The following PTPN6 variants were observed in gnomAD, a reference collection of about 807,000 sequenced individuals.
The protein encoded by PTPN6 is protein tyrosine phosphatase non-receptor type 6.
In PTPN6, 18 loss-of-function variants were observed where a neutral mutation model predicts 81.5. The ratio of observed to expected loss-of-function variants is 0.22; its 90% CI spans 0.15 to 0.33. The LOEUF is 0.33. Ranked by LOEUF, PTPN6 falls within the 10% of genes least tolerant of loss-of-function variation. PTPN6 has a pLI of 1.00. For synonymous variants in PTPN6, 301 were observed against 310.9 expected (o/e 0.97, Z 0.33); for missense variants, 500 against 794.2 (o/e 0.63, Z 4.45).
In PTPN6 at chr12:6,951,816, T is replaced by C; in HGVS notation, c.131+85T>C. ...TGAACCACTCATTCCTGGTTCCCCG[T>C]GGCAGTGCTGACTCCCCGTCTGTTC... On this transcript the variant is annotated intron_variant, in intron 2 of 15. Coordinates refer to ENST00000318974, the MANE Select transcript of PTPN6 (RefSeq NM_002831.6). This position sits in a 1 kb window ranked among gnomAD's most constrained non-coding sequence, Gnocchi z 7.2. The C allele has an allele frequency of 6.3e-7, 1 of 1,597,574 alleles. No homozygotes were observed. The highest frequency in any genetic ancestry group is 1.7e-5 in the Admixed American group (1 of 60,012).
chr12:6,953,874 C>T (rs1945971853), intron 3 of PTPN6, among the ~76,000 whole-genome samples: 1 of 152,136 alleles, frequency 6.6e-6, no homozygotes, highest in Non-Finnish European at 1.5e-5. Context: ...CAGACTGGTC[C>T]TCCCCTCCTT....
chr12:6,955,996 A>G lies in PTPN6; in HGVS notation c.845-146A>G. 1.1e-6 allele frequency: 1 copy of G among 872,978 alleles called. No individual in the cohort carries two copies. The highest frequency in any genetic ancestry group is 1.9e-6 in the Non-Finnish European group (1 of 534,572). The allele number at this position is 872,978 out of a possible 1,614,324, so 54.1% of individuals were successfully genotyped here. ...CTCCCTCACTCCCTCCATACAGATG[A>G]TCCCCCACCCCTGCTGCCCACAGTC... On this transcript the variant is annotated intron_variant, in intron 7 of 15. Coordinates refer to ENST00000318974, the MANE Select transcript of PTPN6 (RefSeq NM_002831.6). The surrounding 1 kb of genome is among the most constrained non-coding windows in gnomAD (Gnocchi z 7.2).
upstream of PTPN6, among the ~76,000 whole-genome samples, chr12:6,947,629 A>ACT (rs1555147040): frequency 6.6e-6 from 1 of 150,766 alleles, no homozygotes; most frequent in Non-Finnish European, 1.5e-5. Context: ...TGATTGCACC[A>ACT]CTGCACACCA....
At chr12:6,948,116 T>C (rs782702843), upstream of PTPN6, among the ~76,000 whole-genome samples, 1 of 151,500 alleles carries the variant, frequency 6.6e-6, no homozygotes, top group Non-Finnish European at 1.5e-5. Context: ...AGAGACCCCA[T>C]CTCTATTAAA....
upstream of PTPN6, among the ~76,000 whole-genome samples, chr12:6,947,681 A>T (rs1457636474): frequency 6.6e-6 from 1 of 151,814 alleles, no homozygotes; most frequent in Non-Finnish European, 1.5e-5. Flanking sequence ...AAAAAAAAAA[A>T]AAAAAAGAAA....
rs782020090 is a variant in PTPN6, at chr12:6,960,873, C to T, written c.1741C>T (p.Arg581Trp). ...NKREEKVKKQ[R>W]SADKEKSKGS... ...GAGGGAGGAGAAAGTGAAGAAGCAG[C>T]GGTCAGCAGACAAGGAGAAGAGCAA... Residue 581 changes from arginine to tryptophan, a missense_variant, in exon 15 of 16, where the codon CGG (arginine) becomes TGG (tryptophan). Coordinates refer to ENST00000318974, the MANE Select transcript of PTPN6 (RefSeq NM_002831.6). The surrounding 1 kb of genome is among the most constrained non-coding windows in gnomAD (Gnocchi z 6.1). 1.5e-5 allele frequency: 24 copies of T among 1,580,476 alleles called. No homozygotes were observed. The highest frequency in any genetic ancestry group is 1.9e-5 in the Non-Finnish European group (22 of 1,162,588).
chr12:6,955,590 AC>A lies in PTPN6; in HGVS notation c.748-66del. ...CCTTGCCCACCTCTGCTCCTGACCC[AC>A]CCCACGTGAGCTCCCCCGATGGATG... On this transcript the variant is annotated intron_variant, in intron 6 of 15. Transcript: ENST00000318974. The surrounding 1 kb of genome is among the most constrained non-coding windows in gnomAD (Gnocchi z 7.2). 1 of 1,569,248 alleles carries A rather than the reference AC, an allele frequency of 6.4e-7. No homozygotes were observed. The highest frequency in any genetic ancestry group is 1.1e-5 in the South Asian group (1 of 90,134).
chr12:6,951,628 A>C lies in PTPN6; in HGVS notation c.28A>C (p.Ser10Arg). Residue 10 changes from serine (S) to arginine (R), a missense_variant, in exon 2 of 16, where the codon AGT becomes CGT. Coordinates refer to ENST00000318974, the MANE Select transcript of PTPN6 (RefSeq NM_002831.6). This position sits in a 1 kb window ranked among gnomAD's most constrained non-coding sequence, Gnocchi z 7.2. ...GCCCAGGTGGTTTCACCGAGACCTC[A>C]GTGGGCTGGATGCAGAGACCCTGCT... MVRWFHRDL[S>R]GLDAETLLKG... The C allele has an allele frequency of 1.2e-6, 2 of 1,613,534 alleles. No homozygotes were observed. The highest frequency in any genetic ancestry group is 1.1e-5 in the South Asian group (1 of 91,052).
At position 6,961,155 on chromosome 12, in the gene PTPN6, G is replaced by C. The variant is rs782606097; in HGVS notation, c.*55G>C. 2.9e-5 allele frequency: 21 copies of C among 722,788 alleles called. No individual in the cohort carries two copies. The African/African-American group carries it at 3.7e-4, about 13-fold the overall frequency. The allele number at this position is 722,788 out of a possible 1,614,324, so 44.8% of individuals were successfully genotyped here. ...AGCCCTGACCCTGTGGAAGCATTTC[G>C]CGATGGACAGACTCACAACCTGAAC... On this transcript the variant is annotated 3_prime_UTR_variant, in exon 16 of 16. Transcript: ENST00000318974.
rs782331631 is a variant in PTPN6, at chr12:6,954,663, T to C, written c.327-142T>C. On this transcript the variant is annotated intron_variant, in intron 3 of 15. Transcript: ENST00000318974. This position sits in a 1 kb window ranked among gnomAD's most constrained non-coding sequence, Gnocchi z 5.4. ...TCAGCATGTTTGTGAGAGACCTAAATGAGGTGGTGGATTTGGAAGCATGTA... is the reference window on the plus strand; with the variant it reads ...TCAGCATGTTTGTGAGAGACCTAAACGAGGTGGTGGATTTGGAAGCATGTA... The C allele has an allele frequency of 1.3e-4, 97 of 770,730 alleles. 1 individual carries two copies. The South Asian group carries it at 1.5e-3, about 12-fold the overall frequency. 47.7% of individuals were successfully genotyped at this position (770,730 alleles called of 1,614,324 possible).
In PTPN6 at chr12:6,960,396, T is replaced by G. The variant is rs782265270; in HGVS notation, c.1634T>G (p.Met545Arg). Reference protein sequence around the residue: ...EYGNITYPPAMKNAHAKASRT... With the variant: ...EYGNITYPPARKNAHAKASRT... The stretch of plus-strand genomic sequence containing the variant: ...GGGAACATCACCTATCCCCCAGCCA[T>G]GAAGAATGCCCATGCCAAGGCCTCC... The change falls in exon 14 of 16, where the codon ATG becomes AGG. Residue 545 changes from methionine to arginine, a missense_variant. Physicochemically the swap from Met to Arg is moderately conservative, Grantham distance 91. Around this residue, in one of 6 missense-constraint regions of PTPN6, gnomAD observed 226 missense variants for 364.4 expected, o/e 0.62. Coordinates refer to ENST00000318974, the MANE Select transcript of PTPN6 (RefSeq NM_002831.6). This position sits in a 1 kb window ranked among gnomAD's most constrained non-coding sequence, Gnocchi z 6.1. The G allele has an allele frequency of 6.9e-5, 112 of 1,613,660 alleles. No homozygotes were observed. The highest frequency in any genetic ancestry group is 8.8e-5 in the Non-Finnish European group (104 of 1,180,004).
Position 6,955,066 on chromosome 12 carries a change from G to C in PTPN6, c.516+72G>C, listed in dbSNP as rs2092052550. 1 of 1,606,842 alleles carries C rather than the reference G, an allele frequency of 6.2e-7. No homozygotes were observed. Among genetic ancestry groups the C allele is most frequent in the Admixed American group, 1.7e-5 (1 of 59,994 alleles). ...GTGACCACAGTGTGGGTGGCAGGGAGGGTCTGCCTGGGCTTGAATTCAAGG... is the reference window on the plus strand; with the variant it reads ...GTGACCACAGTGTGGGTGGCAGGGACGGTCTGCCTGGGCTTGAATTCAAGG... On this transcript the variant is annotated intron_variant, in intron 4 of 15. Coordinates refer to ENST00000318974, the MANE Select transcript of PTPN6 (RefSeq NM_002831.6). This position sits in a 1 kb window ranked among gnomAD's most constrained non-coding sequence, Gnocchi z 7.2.
chr12:6,951,711 T>A lies in PTPN6; in HGVS notation c.111T>A (p.Gly37=), dbSNP rs781795934. 1 of 1,612,812 alleles carries A rather than the reference T, an allele frequency of 6.2e-7. No homozygotes were observed. The highest frequency in any genetic ancestry group is 1.1e-5 in the South Asian group (1 of 91,060). The change falls in exon 2 of 16, where the codon GGT becomes GGA. Residue 37 remains glycine, a synonymous_variant. Coordinates refer to ENST00000318974, the MANE Select transcript of PTPN6 (RefSeq NM_002831.6). The surrounding 1 kb of genome is among the most constrained non-coding windows in gnomAD (Gnocchi z 7.2). ...CTCGGCCCAGTCGCAAGAACCAGGG[T>A]GACTTCTCGCTCTCCGTCAGGTAGG... is the stretch of plus-strand genomic sequence containing the variant. ...FLARPSRKNQ[G]DFSLSVRVGD...
chr12:6,958,064 T>C lies in PTPN6; in HGVS notation c.1352T>C (p.Val451Ala). ...CTGCCTCACGCAGGGCCCATCATCG[T>C]GCACTGCAGGTGAGGATGATAATCC... ...ESLPHAGPII[V>A]HCSAGIGRTG... Residue 451 changes from valine to alanine, a missense_variant, in exon 11 of 16, where the codon GTG (valine) becomes GCG (alanine). Around this residue, in one of 6 missense-constraint regions of PTPN6, gnomAD observed 226 missense variants for 364.4 expected, o/e 0.62. Transcript: ENST00000318974. The C allele has an allele frequency of 6.2e-7, 1 of 1,611,596 alleles. No homozygotes were observed. Among genetic ancestry groups the C allele is most frequent in the Non-Finnish European group, 8.5e-7 (1 of 1,180,016 alleles).
chr12:6,955,827 G>T lies in PTPN6; in HGVS notation c.844+71G>T. On this transcript the variant is annotated intron_variant, in intron 7 of 15. Transcript: ENST00000318974. The surrounding 1 kb of genome is among the most constrained non-coding windows in gnomAD (Gnocchi z 7.2). ...CCAGCTGCCTCCCCTCATCTCACAG[G>T]TCTCCACCCTCCACGCCAGGAGGGG... 7.1e-7 allele frequency: 1 copy of T among 1,412,060 alleles called. No individual in the cohort carries two copies. The highest frequency in any genetic ancestry group is 1.0e-6 in the Non-Finnish European group (1 of 999,480). The allele number at this position is 1,412,060 out of a possible 1,614,324, so 87.5% of individuals were successfully genotyped here. A position where few individuals can be genotyped will look rare whatever the true frequency, so the allele number is the denominator to read the frequency against.
upstream of PTPN6, among the ~76,000 whole-genome samples, chr12:6,950,611 C>T (rs374183934): frequency 2.0e-5 from 3 of 152,294 alleles, no homozygotes; most frequent in Non-Finnish European, 4.4e-5. Flanking sequence ...GTGGCATGGA[C>T]AAACTGCATA....
At position 6,955,879 on chromosome 12, in the gene PTPN6, C is replaced by A; in HGVS notation, c.844+123C>A. 2 of 953,806 alleles carry A rather than the reference C, an allele frequency of 2.1e-6. No individual in the cohort carries two copies. The highest frequency in any genetic ancestry group is 3.3e-6 in the Non-Finnish European group (2 of 603,726). 59.1% of individuals were successfully genotyped at this position (953,806 alleles called of 1,614,324 possible). ...CATCTCCCCACACCCCCCACAGAGCCTCCCCCTTCTCCAAAAGGCCTCTAC... is the reference window on the plus strand; with the variant it reads ...CATCTCCCCACACCCCCCACAGAGCATCCCCCTTCTCCAAAAGGCCTCTAC... On this transcript the variant is annotated intron_variant, in intron 7 of 15. Transcript: ENST00000318974. This position sits in a 1 kb window ranked among gnomAD's most constrained non-coding sequence, Gnocchi z 7.2.
chr12:6,946,880 T>C, upstream of PTPN6: 1 of 935,456 alleles, frequency 1.1e-6, no homozygotes, highest in Non-Finnish European at 1.7e-6. Flanking sequence ...CCTATGAACT[T>C]CCCCTTCCCG....
upstream of PTPN6, among the ~76,000 whole-genome samples, chr12:6,949,836 C>T (rs1220930925): frequency 2.0e-5 from 3 of 146,744 alleles, no homozygotes; most frequent in African/African-American, 5.1e-5. Flanking sequence ...TTTTTTGAGA[C>T]GGAGTTTCAC....
Sources: allele counts gnomAD v4.1 joint callset (sites outside exome capture counted in the v4.1 genomes callset), GRCh38; gene constraint gnomAD v4.1.1; regional missense constraint gnomAD v4.1.1; non-coding constraint Gnocchi (gnomAD v3.1); transcripts MANE v1.5; gene names NCBI Gene and HGNC (gene_info 2026-07-23, HGNC 2026-07-21).